The following SCFD2 variants were observed in gnomAD, a reference collection of about 807,000 sequenced individuals.
SCFD2 encodes the protein sec1 family domain-containing protein 2.
SCFD2 carries 54 observed loss-of-function variants against 58.9 expected under a neutral mutation model. The observed-to-expected ratio is 0.92, with a 90% CI of 0.74 to 1.15. The LOEUF is 1.15. SCFD2 is among the 50% of genes most tolerant of loss of function. The pLI is 0.00. For missense variants in SCFD2, 805 were observed against 836.6 expected (o/e 0.96, Z 0.47); for synonymous variants, 321 against 335.9 (o/e 0.96, Z 0.49).
At chr4:52,913,493 T>C (rs1203300816) in intron 6 of SCFD2, among the ~76,000 whole-genome samples, 1 of 152,170 alleles carries the variant, frequency 6.6e-6, no homozygotes, top group Non-Finnish European at 1.5e-5. Context: ...CCATCACCCG[T>C]AGACAGGACT....
At chr4:52,965,664 G>C (rs1720946930) in intron 5 of SCFD2, among the ~76,000 whole-genome samples, 1 of 152,182 alleles carries the variant, frequency 6.6e-6, no homozygotes, top group Non-Finnish European at 1.5e-5. Context: ...AGCACCTCCT[G>C]CTGTAGCCAG....
intron 5 of SCFD2, among the ~76,000 whole-genome samples, chr4:53,096,674 C>T (rs758189631): frequency 6.6e-6 from 1 of 152,194 alleles, no homozygotes; most frequent in Non-Finnish European, 1.5e-5. Context: ...TGCCTGTTCA[C>T]TTTGATGATA....
At chr4:53,268,603 C>G (rs1731064629) in intron 4 of SCFD2, among the ~76,000 whole-genome samples, 1 of 152,138 alleles carries the variant, frequency 6.6e-6, no homozygotes, top group Non-Finnish European at 1.5e-5. Context: ...AGGAGGGTAT[C>G]TGTGCTATAG....
At chr4:53,001,730 T>C (rs1297298665) in intron 5 of SCFD2, among the ~76,000 whole-genome samples, 1 of 152,232 alleles carries the variant, frequency 6.6e-6, no homozygotes, top group African/African-American at 2.4e-5. Flanking sequence ...AATATGTATA[T>C]GTTGGTATAT....
chr4:53,296,292 T>C (rs1457223455), intron 3 of SCFD2, among the ~76,000 whole-genome samples: 1 of 152,202 alleles, frequency 6.6e-6, no homozygotes, highest in African/African-American at 2.4e-5. Context: ...TGGTAGGCTA[T>C]TAATTGCTGA....
chr4:53,190,577 C>A (rs1195039562), intron 4 of SCFD2, among the ~76,000 whole-genome samples: 1 of 152,182 alleles, frequency 6.6e-6, no homozygotes, highest in Admixed American at 6.5e-5. Flanking sequence ...TGGCATTTAT[C>A]CACGGCATTA....
chr4:53,105,386 T>G (rs1724962852), intron 5 of SCFD2, among the ~76,000 whole-genome samples: 2 of 151,104 alleles, frequency 1.3e-5, no homozygotes, highest in Non-Finnish European at 1.5e-5. Flanking sequence ...CCAAGTGGTC[T>G]AGCTCAGCAG....
chr4:53,031,344 C>T (rs1722610909), intron 5 of SCFD2, among the ~76,000 whole-genome samples: 1 of 152,162 alleles, frequency 6.6e-6, no homozygotes, highest in South Asian at 2.1e-4. Context: ...AACCAGAAGG[C>T]CTCTTCTCCT....
At chr4:53,320,493 G>A (rs113096081) in intron 2 of SCFD2, among the ~76,000 whole-genome samples, 65 of 152,100 alleles carry the variant, frequency 4.3e-4, no homozygotes, top group African/African-American at 1.5e-3. Context: ...GGTGCACGCC[G>A]GCAATCCCAG....
chr4:53,313,522 C>G, intron 3 of SCFD2, 114 bp downstream of exon 3: 1 of 1,209,560 alleles, frequency 8.3e-7, no homozygotes, highest in East Asian at 2.4e-5. Flanking sequence ...CAACAGTATA[C>G]AAAAGTCGTT....
At chr4:53,209,498 G>C (rs1395555243) in intron 4 of SCFD2, among the ~76,000 whole-genome samples, 1 of 152,042 alleles carries the variant, frequency 6.6e-6, no homozygotes, top group Non-Finnish European at 1.5e-5. Context: ...TTCCTATAGT[G>C]TTAATAGTGG....
At chr4:53,191,755 ATAGGAACACAC>A (rs1361813067) in intron 4 of SCFD2, among the ~76,000 whole-genome samples, 1 of 152,206 alleles carries the variant, frequency 6.6e-6, no homozygotes, top group African/African-American at 2.4e-5. Flanking sequence ...ATAGAAAACA[ATAGGAACACAC>A]TTTGTGACTG....
At chr4:52,917,589 T>C (rs1719638617) in intron 6 of SCFD2, among the ~76,000 whole-genome samples, 1 of 152,292 alleles carries the variant, frequency 6.6e-6, no homozygotes, top group African/African-American at 2.4e-5. Flanking sequence ...CTTGGTGAGA[T>C]GTTCTTTAAG....
chr4:53,332,922 A>G (rs963546708), intron 2 of SCFD2, among the ~76,000 whole-genome samples: 30 of 151,614 alleles, frequency 2.0e-4, no homozygotes, highest in African/African-American at 5.1e-4. Context: ...AAATCAATGT[A>G]CAAAAATCAC....
intron 5 of SCFD2, among the ~76,000 whole-genome samples, chr4:52,953,988 A>G (rs13104971): frequency 0.11 from 16,728 of 152,182 alleles, 1,178 homozygotes; most frequent in East Asian, 0.28. Context: ...TAGCTATGTA[A>G]CTGTGGGTGA....
intron 2 of SCFD2, among the ~76,000 whole-genome samples, chr4:53,328,638 C>A (rs2149127974): frequency 6.6e-6 from 1 of 152,120 alleles, no homozygotes; most frequent in East Asian, 1.9e-4. Flanking sequence ...TTTATCTTAC[C>A]AGAAAATATC....
At chr4:53,142,767 T>C (rs985877652) in intron 5 of SCFD2, among the ~76,000 whole-genome samples, 1 of 152,190 alleles carries the variant, frequency 6.6e-6, no homozygotes, top group Non-Finnish European at 1.5e-5. Context: ...TCAACATACT[T>C]AGTAAGAGGT....
intron 4 of SCFD2, among the ~76,000 whole-genome samples, chr4:53,171,256 A>G (rs1727168936): frequency 6.6e-6 from 1 of 152,214 alleles, no homozygotes; most frequent in Admixed American, 6.5e-5. Context: ...TTTTTTCTGC[A>G]TCTAATAAGA....
chr4:53,246,468 A>G (rs1730076443), intron 4 of SCFD2, among the ~76,000 whole-genome samples: 1 of 152,220 alleles, frequency 6.6e-6, no homozygotes, highest in Non-Finnish European at 1.5e-5. Context: ...TACAGTAACC[A>G]AAACAGCATG....
Sources: allele counts gnomAD v4.1 joint callset (sites outside exome capture counted in the v4.1 genomes callset), GRCh38; gene constraint gnomAD v4.1.1; transcripts MANE v1.5; gene names NCBI Gene and HGNC (gene_info 2026-07-23, HGNC 2026-07-21).